The following AGPS variants were observed in gnomAD, a reference collection of about 807,000 sequenced individuals.
AGPS encodes the protein alkyldihydroxyacetonephosphate synthase, peroxisomal.
Under a neutral mutation model 90.7 loss-of-function variants are expected in AGPS, and 26 were observed. That is an observed-to-expected ratio of 0.29 (90% CI 0.21 to 0.40). The LOEUF is 0.40. AGPS is among the 10% of genes least tolerant of loss of function. The pLI is 1.00. For missense variants in AGPS, 540 were observed against 816.1 expected (o/e 0.66, Z 4.12); for synonymous variants, 294 against 285.3 (o/e 1.03, Z -0.31).
intron 8 of AGPS, among the ~76,000 whole-genome samples, chr2:177,451,597 A>G (rs1446195135): frequency 6.6e-6 from 1 of 152,102 alleles, no homozygotes; most frequent in Non-Finnish European, 1.5e-5. Context: ...TTTCTGATTT[A>G]GGAGAGATGT....
At chr2:177,466,630 T>G (rs1687456128) in intron 9 of AGPS, among the ~76,000 whole-genome samples, 1 of 152,200 alleles carries the variant, frequency 6.6e-6, no homozygotes, top group Non-Finnish European at 1.5e-5. Context: ...GTGCCCAAAG[T>G]CTGGAGGGGG....
At chr2:177,450,321 C>T (rs1247029888) in intron 8 of AGPS, among the ~76,000 whole-genome samples, 1 of 151,806 alleles carries the variant, frequency 6.6e-6, no homozygotes, top group African/African-American at 2.4e-5. Context: ...TTTATGAAGC[C>T]CAGTGTATTA....
intron 2 of AGPS, 152 bp downstream of exon 2, chr2:177,420,510 C>G (rs951435570): frequency 3.1e-6 from 2 of 642,450 alleles, no homozygotes; most frequent in Non-Finnish European, 5.6e-6. Context: ...GGTAATATTT[C>G]AAATTCTGAT....
At chr2:177,528,744 A>C (rs1208436243) in intron 19 of AGPS, among the ~76,000 whole-genome samples, 1 of 152,140 alleles carries the variant, frequency 6.6e-6, no homozygotes, top group African/African-American at 2.4e-5. Flanking sequence ...ATAAATGCTC[A>C]ATGAATATGT....
At chr2:177,441,304 CT>C (rs1686593566) in intron 6 of AGPS, 1 of 383,830 alleles carries the variant, frequency 2.6e-6, no homozygotes, top group Non-Finnish European at 4.7e-6. Flanking sequence ...AATGTTTCTG[CT>C]TTAGTAATTA....
At chr2:177,403,030 C>G (rs1685372411) in intron 1 of AGPS, among the ~76,000 whole-genome samples, 2 of 152,088 alleles carry the variant, frequency 1.3e-5, no homozygotes, top group Admixed American at 6.5e-5. Flanking sequence ...GCACTCCAGC[C>G]TGGGTGACAG....
At chr2:177,425,585 C>T (rs1428818816) in intron 2 of AGPS, among the ~76,000 whole-genome samples, 1 of 137,428 alleles carries the variant, frequency 7.3e-6, no homozygotes, top group Non-Finnish European at 1.5e-5. Context: ...CACGCCATTG[C>T]ACTCCAGCCT....
chr2:177,482,225 ATGTT>A, intron 11 of AGPS, 39 bp downstream of exon 11: 2 of 1,107,226 alleles, frequency 1.8e-6, no homozygotes, highest in Admixed American at 2.4e-5. Context: ...ACATACATAT[ATGTT>A]TATGTATTTA....
At chr2:177,482,207 A>C in intron 11 of AGPS, 21 bp downstream of exon 11, 1 of 1,255,708 alleles carries the variant, frequency 8.0e-7, no homozygotes, top group Non-Finnish European at 1.1e-6. Context: ...AAATATATAT[A>C]TATACATACA....
At chr2:177,535,039 A>G (rs942118267) in intron 19 of AGPS, among the ~76,000 whole-genome samples, 3 of 152,152 alleles carry the variant, frequency 2.0e-5, no homozygotes, top group Non-Finnish European at 4.4e-5. Context: ...GTTTTCAGAG[A>G]TGGTGATCTT....
chr2:177,483,052 G>T (rs1687991784), intron 11 of AGPS, among the ~76,000 whole-genome samples: 1 of 152,024 alleles, frequency 6.6e-6, no homozygotes, highest in East Asian at 1.9e-4. Flanking sequence ...GGACAAGGGA[G>T]TTTTTGATGT....
chr2:177,406,677 T>C (rs1685475416), intron 1 of AGPS, among the ~76,000 whole-genome samples: 1 of 152,258 alleles, frequency 6.6e-6, no homozygotes, highest in Admixed American at 6.5e-5. Context: ...CTGCTAGATT[T>C]TGACTTTTGG....
Position 177,427,445 on chromosome 2 carries a change from T to C in AGPS, c.351-6882T>C, listed in dbSNP as rs1245663318. On this transcript the variant is annotated intron_variant, in intron 2 of 19. Coordinates refer to ENST00000264167, the MANE Select transcript of AGPS (RefSeq NM_003659.4). ...TTCTTTTAGTTGTCATGTTAGGTTG[T>C]TAATTTGAGATCTTTCTAGGTTTTT... 2.6e-5 allele frequency among the ~76,000 whole-genome samples: 4 copies of C among 152,228 alleles called. No individual in the cohort carries two copies. In the East Asian group the frequency reaches 7.7e-4, roughly 29 times the overall value.
At chr2:177,521,491 C>T (rs1409511664) in intron 18 of AGPS, 123 bp downstream of exon 18, 1 of 835,148 alleles carries the variant, frequency 1.2e-6, no homozygotes, top group Non-Finnish European at 2.0e-6. Context: ...AGCTGTTAGC[C>T]CTTAGAAATG....
intron 10 of AGPS, among the ~76,000 whole-genome samples, chr2:177,479,547 A>G (rs1206908436): frequency 1.3e-5 from 2 of 152,266 alleles, no homozygotes; most frequent in Non-Finnish European, 2.9e-5. Context: ...GAGCAGATAA[A>G]CGAAGTGAGT....
intron 1 of AGPS, among the ~76,000 whole-genome samples, chr2:177,405,736 TC>T (rs1171843556): frequency 6.6e-6 from 1 of 151,638 alleles, no homozygotes; most frequent in Non-Finnish European, 1.5e-5. Context: ...TTCCTTCTCT[TC>T]CTAAGCTTAA....
intron 15 of AGPS, among the ~76,000 whole-genome samples, chr2:177,507,058 GT>G (rs1688738760): frequency 6.6e-6 from 1 of 151,860 alleles, no homozygotes; most frequent in South Asian, 2.1e-4. Flanking sequence ...GGGATTACAT[GT>G]TTTCTGTTTT....
chr2:177,511,527 A>G (rs768557021), intron 16 of AGPS, among the ~76,000 whole-genome samples: 3 of 152,226 alleles, frequency 2.0e-5, no homozygotes, highest in Non-Finnish European at 4.4e-5. Context: ...GGGAACCTCA[A>G]CATTTAAGGT....
At chr2:177,529,422 A>C (rs1318508738) in intron 19 of AGPS, among the ~76,000 whole-genome samples, 1 of 152,186 alleles carries the variant, frequency 6.6e-6, no homozygotes, top group Non-Finnish European at 1.5e-5. Flanking sequence ...GTGAGCTGGC[A>C]TCGCACCACT....
Sources: allele counts gnomAD v4.1 joint callset (sites outside exome capture counted in the v4.1 genomes callset), GRCh38; gene constraint gnomAD v4.1.1; transcripts MANE v1.5; gene names NCBI Gene and HGNC (gene_info 2026-07-23, HGNC 2026-07-21).